ZSCAN1: variants seen among roughly 807,000 people sequenced by gnomAD.
ZSCAN1 encodes zinc finger and SCAN domain-containing protein 1.
ZSCAN1 carries 23 observed loss-of-function variants against 23.8 expected under a neutral mutation model. The observed-to-expected ratio is 0.97, with a 90% CI of 0.70 to 1.37. The LOEUF (loss-of-function observed/expected upper bound fraction) is 1.37. Among genes scored for constraint, ZSCAN1 ranks in the 40% most tolerant of loss-of-function variants. The pLI, the probability that ZSCAN1 is intolerant of heterozygous loss-of-function variation, is 0.00. For synonymous variants in ZSCAN1, 236 were observed against 232.3 expected, an observed-to-expected ratio of 1.02 and a Z score of -0.15; for missense variants, 575 against 554.0, an observed-to-expected ratio of 1.04 and a Z score of -0.38.
In ZSCAN1 at chr19:58,040,466, C is replaced by T. The variant is rs776143491; in HGVS notation, c.387C>T (p.Asp129=). 3 of 1,613,680 alleles carry T rather than the reference C, an allele frequency of 1.9e-6. No homozygotes were observed. Among genetic ancestry groups the T allele is most frequent in the East Asian group, 2.2e-5 (1 of 44,876 alleles). Residue 129 remains aspartate (D), a synonymous_variant, in exon 4 of 6, where the codon GAC becomes GAT. Transcript: ENST00000282326. This position sits in a 1 kb window ranked among gnomAD's most constrained non-coding sequence, Gnocchi z 5.8. ...CCCGCACAGTTCTGGTATCTCTGGA[C>T]TCGGTCGAACCCCAGGACTGGAGTT... ...MCQQEVLVSL[D]SVEPQDWSFG... is the part of the protein sequence containing the mutation.
chr19:58,037,660 C>A (rs978399046), intron 2 of ZSCAN1, 68 bp from the exon 3 acceptor site: 47 of 766,706 alleles, frequency 6.1e-5, no homozygotes, highest in Non-Finnish European at 8.1e-5. Flanking sequence ...AGTAAGGAGC[C>A]GAGGGGCATC....
intron 4 of ZSCAN1, among the ~76,000 whole-genome samples, chr19:58,042,863 G>A (rs2073799826): frequency 6.6e-6 from 1 of 152,210 alleles, no homozygotes; most frequent in Non-Finnish European, 1.5e-5. Context: ...CACCAGGGCC[G>A]CTGTGGCTGA....
At chr19:58,044,898 T>G (rs2073814744) in intron 4 of ZSCAN1, 2 of 817,212 alleles carry the variant, frequency 2.4e-6, no homozygotes, top group Non-Finnish European at 2.1e-6. Flanking sequence ...GGTGCCTTCC[T>G]GCCCGCGGCT....
chr19:58,055,500 C>T (rs1211149138), downstream of ZSCAN1, among the ~76,000 whole-genome samples: 1 of 152,228 alleles, frequency 6.6e-6, no homozygotes, highest in Non-Finnish European at 1.5e-5. Context: ...CTCCAGCTCC[C>T]CTCCTGGCAC....
intron 5 of ZSCAN1, 41 bp downstream of exon 5, chr19:58,052,669 G>A (rs2073865775): frequency 2.0e-6 from 3 of 1,536,284 alleles, no homozygotes; most frequent in Non-Finnish European, 2.6e-6. Flanking sequence ...TGGAAATGGA[G>A]TTTGGGACTT....
chr19:58,034,316 G>C (rs1228941513), intron 1 of ZSCAN1, among the ~76,000 whole-genome samples, 155 bp downstream of exon 1: 2 of 150,320 alleles, frequency 1.3e-5, no homozygotes, highest in Non-Finnish European at 3.0e-5. Context: ...CCGGGAGGGG[G>C]CGGGCCGGGC....
intron 3 of ZSCAN1, among the ~76,000 whole-genome samples, chr19:58,038,820 A>G (rs926359418): frequency 1.9e-4 from 29 of 152,220 alleles, no homozygotes; most frequent in African/African-American, 6.0e-4. Flanking sequence ...TCCTAGTGAC[A>G]AAAGTGCAGG....
chr19:58,051,643 G>A (rs2073859228), intron 4 of ZSCAN1, among the ~76,000 whole-genome samples: 1 of 152,082 alleles, frequency 6.6e-6, no homozygotes, highest in African/African-American at 2.4e-5. Flanking sequence ...CTTGACTCCT[G>A]GTCTTTTCTG....
rs2073778884 is a variant in ZSCAN1, at chr19:58,040,400, G to A, written c.371-50G>A. 1.3e-6 allele frequency: 2 copies of A among 1,598,120 alleles called. No individual in the cohort carries two copies. Among genetic ancestry groups the A allele is most frequent in the Non-Finnish European group, 1.7e-6 (2 of 1,167,032 alleles). On this transcript the variant is annotated intron_variant, in intron 3 of 5. Transcript: ENST00000282326. This position sits in a 1 kb window ranked among gnomAD's most constrained non-coding sequence, Gnocchi z 5.8. ...CCTCCCCAGAAGGCCTGGAGAATTG[G>A]GGGCTCTGGGAAGAACAGGCCCCTC...
chr19:58,037,713 T>C lies in ZSCAN1; in HGVS notation c.-109-15T>C. Reference sequence around the variant, plus strand: ...CCATCTGATGTGACCCCTCTGTCCCTGCCCCTCTCTGCAGGCCCCTGATTG... The same window carrying C: ...CCATCTGATGTGACCCCTCTGTCCCCGCCCCTCTCTGCAGGCCCCTGATTG... On this transcript the variant is annotated splice_polypyrimidine_tract_variant and intron_variant, in intron 2 of 5. Coordinates refer to ENST00000282326, the MANE Select transcript of ZSCAN1 (RefSeq NM_182572.4). 1 of 1,252,224 alleles carries C rather than the reference T, an allele frequency of 8.0e-7. No individual in the cohort carries two copies. The highest frequency in any genetic ancestry group is 1.1e-6 in the Non-Finnish European group (1 of 936,232). 77.6% of individuals were successfully genotyped at this position (1,252,224 alleles called of 1,614,324 possible). A position where few individuals can be genotyped will look rare whatever the true frequency, so the allele number is the denominator to read the frequency against.
chr19:58,046,028 C>A (rs560611585), intron 4 of ZSCAN1: 1 of 695,724 alleles, frequency 1.4e-6, no homozygotes. Flanking sequence ...CAGAAGCATT[C>A]GGAGGTGGCG....
At chr19:58,048,659 T>A (rs1415442485) in intron 4 of ZSCAN1, among the ~76,000 whole-genome samples, 2 of 152,252 alleles carry the variant, frequency 1.3e-5, no homozygotes, top group African/African-American at 4.8e-5. Flanking sequence ...GGTTTCATTA[T>A]GTTGGCCAGG....
Position 58,045,574 on chromosome 19 carries a change from A to G in ZSCAN1, c.465+5030A>G. 1 of 1,134,222 alleles carries G rather than the reference A, an allele frequency of 8.8e-7. No individual in the cohort carries two copies. The highest frequency in any genetic ancestry group is 1.3e-6 in the Non-Finnish European group (1 of 742,248). 70.3% of individuals were successfully genotyped at this position (1,134,222 alleles called of 1,614,324 possible). ...CGGCCGCAGCTGGTGGCCCTGTGCA[A>G]GCTGCTGGAGCTACAGCTTCCTGCG... On this transcript the variant is annotated intron_variant, in intron 4 of 5. Coordinates refer to ENST00000282326, the MANE Select transcript of ZSCAN1 (RefSeq NM_182572.4). This position sits in a 1 kb window ranked among gnomAD's most constrained non-coding sequence, Gnocchi z 4.3.
chr19:58,054,039 C>T lies in ZSCAN1; in HGVS notation c.1215C>T (p.His405=), dbSNP rs776520299. The T allele has an allele frequency of 8.6e-6, 13 of 1,517,516 alleles. No individual in the cohort carries two copies. The South Asian group carries it at 9.2e-5, about 11-fold the overall frequency. The allele number at this position is 1,517,516 out of a possible 1,614,324, so 94.0% of individuals were successfully genotyped here. Residue 405 remains histidine, a synonymous_variant, in exon 6 of 6, where the codon CAC becomes CAT. Coordinates refer to ENST00000282326, the MANE Select transcript of ZSCAN1 (RefSeq NM_182572.4). The surrounding 1 kb of genome is among the most constrained non-coding windows in gnomAD (Gnocchi z 4.2). ...LIDHQKLHTA[H]GHM is the part of the protein sequence containing the mutation. ...ACCACCAGAAGCTCCACACGGCCCACGGCCACATGTGAATGGCCAGCCTCG... is the reference window on the plus strand; with the variant it reads ...ACCACCAGAAGCTCCACACGGCCCATGGCCACATGTGAATGGCCAGCCTCG...
Position 58,053,270 on chromosome 19 carries a change from A to T in ZSCAN1, c.605-159A>T, listed in dbSNP as rs914978791. On this transcript the variant is annotated intron_variant, in intron 5 of 5. Coordinates refer to ENST00000282326, the MANE Select transcript of ZSCAN1 (RefSeq NM_182572.4). This position sits in a 1 kb window ranked among gnomAD's most constrained non-coding sequence, Gnocchi z 5.8. The stretch of plus-strand genomic sequence containing the variant: ...CTGCACCGGCCACATGTGCCCTTGT[A>T]TCTTAAAGGACAGAACGGAGGACAC... Among the ~76,000 whole-genome samples, 2 of 152,122 alleles carry T rather than the reference A, an allele frequency of 1.3e-5. No homozygotes were observed. The highest frequency in any genetic ancestry group is 4.8e-5 in the African/African-American group (2 of 41,416).
At chr19:58,046,600 G>A (rs2123434133) in intron 4 of ZSCAN1, 2 of 839,596 alleles carry the variant, frequency 2.4e-6, no homozygotes, top group East Asian at 4.8e-5. Context: ...TGAAAATAAG[G>A]ATGGCAAGGT....
At chr19:58,042,236 A>G (rs2073794297) in intron 4 of ZSCAN1, among the ~76,000 whole-genome samples, 1 of 151,780 alleles carries the variant, frequency 6.6e-6, no homozygotes, top group Non-Finnish European at 1.5e-5. Context: ...TGGGGAGGAA[A>G]GTCTTTGAAG....
chr19:58,039,155 T>G (rs2073765754), intron 3 of ZSCAN1, among the ~76,000 whole-genome samples: 1 of 152,240 alleles, frequency 6.6e-6, no homozygotes, highest in South Asian at 2.1e-4. Flanking sequence ...AGGAAAGCTG[T>G]GACAGCTGAG....
rs2073831032 is a variant in ZSCAN1 at position 58,047,062 on chromosome 19, C to T, written c.466-5428C>T. Among the ~76,000 whole-genome samples the T allele has an allele frequency of 6.6e-6, 1 of 152,220 alleles. No individual in the cohort carries two copies. Among genetic ancestry groups the T allele is most frequent in the African/African-American group, 2.4e-5 (1 of 41,456 alleles). On this transcript the variant is annotated intron_variant, in intron 4 of 5. Transcript: ENST00000282326. The surrounding 1 kb of genome is among the most constrained non-coding windows in gnomAD (Gnocchi z 4.9). ...CAGGAAGGTGCCCCCCTGTGTGTGG[C>T]CTCACGTCTCAGTGTCTGACTGTGC...
Sources: allele counts gnomAD v4.1 joint callset (sites outside exome capture counted in the v4.1 genomes callset), GRCh38; gene constraint gnomAD v4.1.1; non-coding constraint Gnocchi (gnomAD v3.1); transcripts MANE v1.5; gene names NCBI Gene and HGNC (gene_info 2026-07-23, HGNC 2026-07-21).